Variants in LRRK2 observed in about 807,000 individuals in gnomAD.
LRRK2 encodes leucine-rich repeat serine/threonine-protein kinase 2.
LRRK2 carries 203 observed loss-of-function variants against 302.6 expected under a neutral mutation model. That is an observed-to-expected ratio of 0.67 (90% CI 0.60 to 0.75). The LOEUF is 0.75. Among genes scored for constraint, LRRK2 ranks in the 30% least tolerant of loss-of-function variants. The pLI, the probability that LRRK2 is intolerant of heterozygous loss-of-function variation, is 0.00. For synonymous variants in LRRK2, 1,066 were observed against 1,031.9 expected, an observed-to-expected ratio of 1.03 and a Z score of -0.63; for missense variants, 2,830 against 2,951.0, an observed-to-expected ratio of 0.96 and a Z score of 0.95.
chr12:40,245,615 C>G (rs1941945587), intron 7 of LRRK2, among the ~76,000 whole-genome samples: 1 of 152,028 alleles, frequency 6.6e-6, no homozygotes, highest in Non-Finnish European at 1.5e-5. Context: ...TGGAATTGCA[C>G]AAAATATGTG....
In LRRK2 at chr12:40,243,645, G is replaced by C. The variant is rs201298800; in HGVS notation, c.802G>C (p.Glu268Gln). The change falls in exon 7 of 51, where the codon GAA (glutamate) becomes CAA (glutamine). Residue 268 changes from glutamate (E) to glutamine (Q), a missense_variant. Physicochemically the swap from Glu to Gln is conservative, Grantham distance 29. Around this residue, in one of 3 missense-constraint regions of LRRK2, gnomAD observed 2,121 missense variants for 2,148.0 expected, o/e 0.99. Coordinates refer to ENST00000298910, the MANE Select transcript of LRRK2 (RefSeq NM_198578.4). Reference protein sequence around the residue: ...KAFPMSERIQEVSCCLLHRLT... With the variant: ...KAFPMSERIQQVSCCLLHRLT... ...ATTCCCTATGAGTGAAAGAATTCAAGAAGTGAGTTGCTGTTTGCTCCATAG... is the reference window on the plus strand; with the variant it reads ...ATTCCCTATGAGTGAAAGAATTCAACAAGTGAGTTGCTGTTTGCTCCATAG... The C allele has an allele frequency of 7.4e-6, 12 of 1,611,926 alleles. No homozygotes were observed. The highest frequency in any genetic ancestry group is 9.3e-6 in the Non-Finnish European group (11 of 1,178,656).
intron 20 of LRRK2, among the ~76,000 whole-genome samples, chr12:40,290,804 T>G (rs1462053222): frequency 6.6e-6 from 1 of 152,068 alleles, no homozygotes; most frequent in Non-Finnish European, 1.5e-5. Flanking sequence ...TCACGGACTT[T>G]TGTTCTTATC....
chr12:40,241,169 C>T (rs928599785), intron 6 of LRRK2, among the ~76,000 whole-genome samples: 1 of 152,148 alleles, frequency 6.6e-6, no homozygotes, highest in Non-Finnish European at 1.5e-5. Flanking sequence ...TGCGTGTGTG[C>T]CGCTGTGCAT....
chr12:40,230,345 T>C (rs571914097), intron 2 of LRRK2, among the ~76,000 whole-genome samples: 22 of 152,210 alleles, frequency 1.4e-4, no homozygotes, highest in Non-Finnish European at 2.9e-4. Context: ...TGTGCCATTA[T>C]TCCTTATTGG....
chr12:40,333,426 A>T (rs1231574268), intron 39 of LRRK2, among the ~76,000 whole-genome samples: 1 of 152,154 alleles, frequency 6.6e-6, no homozygotes, highest in Non-Finnish European at 1.5e-5. Flanking sequence ...AATCAATTTA[A>T]CATCACACAA....
intron 18 of LRRK2, among the ~76,000 whole-genome samples, chr12:40,279,225 T>TTTTTTTTTTTTG (rs1943587148): frequency 1.4e-5 from 2 of 148,054 alleles, no homozygotes; most frequent in Non-Finnish European, 3.0e-5. Flanking sequence ...GTTTACTTTT[T>TTTTTTTTTTTTG]AAACCTTACT....
intron 2 of LRRK2, 119 bp from the exon 3 acceptor site, chr12:40,232,155 C>G: frequency 1.3e-6 from 1 of 774,000 alleles, no homozygotes; most frequent in Non-Finnish European, 2.3e-6. Flanking sequence ...GTTGTATAAC[C>G]ATTGTTTACA....
chr12:40,369,082 A>T lies in LRRK2; in HGVS notation c.*1317A>T, dbSNP rs1341883748. On this transcript the variant is annotated 3_prime_UTR_variant, in exon 51 of 51. Coordinates refer to ENST00000298910, the MANE Select transcript of LRRK2 (RefSeq NM_198578.4). ...ATTAAGGGTAATCAAATTCTTAAAG[A>T]TGAAAGATTTTCTGTATTTTAAAGG... The T allele has an allele frequency of 2.6e-5, 4 of 151,796 alleles. No individual in the cohort carries two copies. The highest frequency in any genetic ancestry group is 1.3e-4 in the Admixed American group (2 of 15,180). The allele number at this position is 151,796 out of a possible 1,614,324, so 9.4% of individuals were successfully genotyped here.
chr12:40,316,885 C>T (rs552246458), intron 33 of LRRK2, among the ~76,000 whole-genome samples: 8 of 152,124 alleles, frequency 5.3e-5, no homozygotes, highest in Non-Finnish European at 1.0e-4. Context: ...CTAGCTGGCG[C>T]ACAATAGTTA....
At chr12:40,263,501 A>C (rs1007779634) in intron 13 of LRRK2, among the ~76,000 whole-genome samples, 1 of 152,042 alleles carries the variant, frequency 6.6e-6, no homozygotes, top group African/African-American at 2.4e-5. Flanking sequence ...TACTCACACA[A>C]AAAAGTGATT....
At chr12:40,312,137 A>G (rs1945056613) in intron 31 of LRRK2, among the ~76,000 whole-genome samples, 1 of 152,130 alleles carries the variant, frequency 6.6e-6, no homozygotes, top group South Asian at 2.1e-4. Flanking sequence ...AAAGTCACAG[A>G]TAAGATGGTT....
chr12:40,277,835 A>G (rs1943524409), intron 16 of LRRK2, 53 bp from the exon 17 acceptor site: 1 of 1,457,812 alleles, frequency 6.9e-7, no homozygotes, highest in African/African-American at 1.4e-5. Flanking sequence ...TATACTGTTT[A>G]TTCATTTTGC....
chr12:40,266,686 T>G lies in LRRK2; in HGVS notation c.1656+2785T>G, dbSNP rs112031807. On this transcript the variant is annotated intron_variant, in intron 14 of 50. Transcript: ENST00000298910. ...CAAAGGATTATAAATCATGCTGCTA[T>G]AAAGACACTTGCACACCTATGTTTA... Among the ~76,000 whole-genome samples, 481 of 152,288 alleles carry G rather than the reference T, an allele frequency of 3.2e-3. 5 individuals carry two copies. Among genetic ancestry groups the G allele is most frequent in the African/African-American group, 0.01 (425 of 41,544 alleles).
At chr12:40,285,907 C>T (rs1330691164) in intron 19 of LRRK2, among the ~76,000 whole-genome samples, 3 of 151,868 alleles carry the variant, frequency 2.0e-5, no homozygotes, top group African/African-American at 7.3e-5. Context: ...GAAATAAAAC[C>T]CTCCAGAAAT....
chr12:40,301,328 G>T lies in LRRK2; in HGVS notation c.3497-1461G>T, dbSNP rs557258508. Among the ~76,000 whole-genome samples the T allele has an allele frequency of 4.6e-5, 7 of 152,298 alleles. No individual in the cohort carries two copies. In the South Asian group the frequency reaches 1.2e-3, roughly 27 times the overall value. ...AATCCCAGCTACTCGGGAGGCTGAG[G>T]CAGAAGAATCGCTTGAACCAGGGAG... is the stretch of plus-strand genomic sequence containing the variant. On this transcript the variant is annotated intron_variant, in intron 25 of 50. Coordinates refer to ENST00000298910, the MANE Select transcript of LRRK2 (RefSeq NM_198578.4).
chr12:40,351,205 C>T (rs1264212922), intron 43 of LRRK2, among the ~76,000 whole-genome samples: 1 of 152,182 alleles, frequency 6.6e-6, no homozygotes, highest in Non-Finnish European at 1.5e-5. Flanking sequence ...GTTTTTCTCT[C>T]ACTGGCGGTG....
At chr12:40,238,174 C>A in intron 5 of LRRK2, 71 bp downstream of exon 5, 1 of 1,442,542 alleles carries the variant, frequency 6.9e-7, no homozygotes, top group Non-Finnish European at 9.5e-7. Context: ...AAGTAGAACA[C>A]AGTTATAATA....
In LRRK2 at chr12:40,356,281, A is replaced by G. The variant is rs1239445747; in HGVS notation, c.6843+94A>G. 3.5e-6 allele frequency: 3 copies of G among 849,164 alleles called. No individual in the cohort carries two copies. In the African/African-American group the frequency reaches 5.2e-5, roughly 15 times the overall value. 52.6% of individuals were successfully genotyped at this position (849,164 alleles called of 1,614,324 possible). A position where few individuals can be genotyped will look rare whatever the true frequency, so the allele number is the denominator to read the frequency against. On this transcript the variant is annotated intron_variant, in intron 46 of 50. Transcript: ENST00000298910. ...CTCTTATGGGATTATAAACTCCCTG[A>G]GAGCAAGAATCATAAATTATGCTGT...
intron 31 of LRRK2, among the ~76,000 whole-genome samples, chr12:40,311,876 T>C (rs1945047698): frequency 1.3e-5 from 2 of 152,164 alleles, no homozygotes; most frequent in African/African-American, 2.4e-5. Context: ...TCCTATTCTC[T>C]TGTTGGACAT....
Sources: allele counts gnomAD v4.1 joint callset (sites outside exome capture counted in the v4.1 genomes callset), GRCh38; gene constraint gnomAD v4.1.1; regional missense constraint gnomAD v4.1.1; transcripts MANE v1.5; gene names NCBI Gene and HGNC (gene_info 2026-07-23, HGNC 2026-07-21).